The following TANC1 variants were observed in gnomAD, a reference collection of about 807,000 sequenced individuals.
The protein encoded by TANC1 is tetratricopeptide repeat, ankyrin repeat and coiled-coil containing 1.
TANC1 carries 77 observed loss-of-function variants against 149.7 expected under a neutral mutation model. The ratio of observed to expected loss-of-function variants is 0.51; its 90% CI spans 0.43 to 0.62. The LOEUF is 0.62. Among genes scored for constraint, TANC1 ranks in the 20% least tolerant of loss-of-function variants. The probability of loss-of-function intolerance (pLI) is 0.00; values close to 1 mark genes in which losing one functional copy is unlikely to be tolerated. For missense variants in TANC1, 1,985 were observed against 2,321.8 expected (o/e 0.85, Z 2.98); for synonymous variants, 854 against 925.0 (o/e 0.92, Z 1.39).
chr2:159,183,786 G>T (rs145445273), intron 14 of TANC1, among the ~76,000 whole-genome samples: 1 of 152,208 alleles, frequency 6.6e-6, no homozygotes, highest in East Asian at 1.9e-4. Context: ...GGAGAAATTG[G>T]GAATGTAAGG....
chr2:159,152,846 A>G (rs982821298), intron 7 of TANC1, among the ~76,000 whole-genome samples: 1 of 152,160 alleles, frequency 6.6e-6, no homozygotes. Flanking sequence ...ATTGAGATAC[A>G]GTGCCACAAT....
At chr2:159,062,566 G>A (rs547853672) in intron 2 of TANC1, among the ~76,000 whole-genome samples, 2 of 152,310 alleles carry the variant, frequency 1.3e-5, no homozygotes, top group South Asian at 4.1e-4. Flanking sequence ...GGGCTTCAAG[G>A]TGCCATTTCC....
intron 2 of TANC1, among the ~76,000 whole-genome samples, chr2:159,045,818 T>A (rs2040993756): frequency 6.6e-6 from 1 of 152,238 alleles, no homozygotes; most frequent in Non-Finnish European, 1.5e-5. Context: ...AACTATTTTA[T>A]AATTTTCACT....
At chr2:159,130,861 A>T (rs1340734640) in intron 4 of TANC1, among the ~76,000 whole-genome samples, 1 of 151,888 alleles carries the variant, frequency 6.6e-6, no homozygotes, top group Non-Finnish European at 1.5e-5. Flanking sequence ...TTCCTTTCTT[A>T]ATCTGTGTCA....
intron 1 of TANC1, among the ~76,000 whole-genome samples, chr2:158,992,395 A>G (rs1574002847): frequency 1.3e-5 from 2 of 150,920 alleles, no homozygotes. Flanking sequence ...GTTTAAGTGC[A>G]GCAGCCATGA....
intron 3 of TANC1, among the ~76,000 whole-genome samples, chr2:159,079,346 C>CTTTTTTTTTTTTTTTTTTTTTT (rs68143585): frequency 1.8e-5 from 2 of 109,920 alleles, no homozygotes; most frequent in Non-Finnish European, 3.5e-5. Flanking sequence ...GTGTGTGTGT[C>CTTTTTTTTTTTTTTTTTTTTTT]TTTTTTTTTT....
At chr2:159,078,938 G>T (rs1476943787) in intron 3 of TANC1, among the ~76,000 whole-genome samples, 1 of 151,218 alleles carries the variant, frequency 6.6e-6, no homozygotes, top group African/African-American at 2.4e-5. Context: ...CTTCAGGCAT[G>T]ATAGTGTTGA....
chr2:159,118,886 T>C (rs997935627), intron 4 of TANC1, among the ~76,000 whole-genome samples: 2 of 152,174 alleles, frequency 1.3e-5, no homozygotes, highest in African/African-American at 4.8e-5. Flanking sequence ...TTTAAACTCT[T>C]AAAGAAAAAG....
chr2:159,091,543 T>C (rs2045543352), intron 3 of TANC1, among the ~76,000 whole-genome samples: 1 of 152,212 alleles, frequency 6.6e-6, no homozygotes, highest in East Asian at 1.9e-4. Flanking sequence ...AGAGAGGAAA[T>C]GCCAGTCTGT....
At chr2:158,987,429 G>T (rs571789516) in intron 1 of TANC1, among the ~76,000 whole-genome samples, 2 of 152,000 alleles carry the variant, frequency 1.3e-5, no homozygotes, top group East Asian at 3.9e-4. Flanking sequence ...GGGTGGCTGG[G>T]GGGTAGGAGG....
In TANC1 at chr2:159,219,264, C is replaced by T; in HGVS notation, c.3405C>T (p.Gly1135=). The T allele has an allele frequency of 6.2e-7, 1 of 1,614,162 alleles. No homozygotes were observed. Among genetic ancestry groups the T allele is most frequent in the South Asian group, 1.1e-5 (1 of 91,078 alleles). Residue 1135 remains glycine, a synonymous_variant, in exon 21 of 27, where the codon GGC becomes GGT. Coordinates refer to ENST00000263635, the MANE Select transcript of TANC1 (RefSeq NM_033394.3). ...TTGTTAGACTGCTGTTGGAACGCGG[C>T]TGTGATGTGAACCTAAGTGACAAGC... ...WQIVRLLLER[G]CDVNLSDKQG...
chr2:159,068,066 A>G (rs2149705967), intron 3 of TANC1, among the ~76,000 whole-genome samples: 1 of 152,368 alleles, frequency 6.6e-6, no homozygotes, highest in South Asian at 2.1e-4. Flanking sequence ...CCCATAAAAT[A>G]TCTGCATGGT....
chr2:159,134,008 A>G (rs147934610), intron 4 of TANC1, among the ~76,000 whole-genome samples: 2 of 152,308 alleles, frequency 1.3e-5, no homozygotes, highest in East Asian at 3.9e-4. Flanking sequence ...GCCATAAACC[A>G]TCTTTTGAAC....
rs113818435 is a variant in TANC1 at position 159,227,939 on chromosome 2, T to C, written c.4024T>C (p.Leu1342=). The change falls in exon 25 of 27, where the codon TTG becomes CTG. Residue 1342 remains leucine, a synonymous_variant. Transcript: ENST00000263635. ...ATTAAGGGTTTCCCTCTATCTCAAT[T>C]TGTCGCGATGCCGAAGAAAAACAAA... ...NELRVSLYLN[L]SRCRRKTNDF... is the part of the protein sequence containing the mutation. The C allele has an allele frequency of 1.2e-6, 2 of 1,613,100 alleles. No individual in the cohort carries two copies. The highest frequency in any genetic ancestry group is 2.2e-5 in the East Asian group (1 of 44,868).
At chr2:159,046,589 C>CTTTTTTTTTTTTTTTTT (rs57208685) in intron 2 of TANC1, among the ~76,000 whole-genome samples, 3 of 84,396 alleles carry the variant, frequency 3.6e-5, no homozygotes, top group Non-Finnish European at 6.3e-5. Flanking sequence ...CTTTTCTTTA[C>CTTTTTTTTTTTTTTTTT]TTTTTTTTTT....
At chr2:159,223,251 G>T (rs4664273) in intron 22 of TANC1, among the ~76,000 whole-genome samples, 54,027 of 152,076 alleles carry the variant, frequency 0.36, 12,652 homozygotes, top group Non-Finnish European at 0.55. Flanking sequence ...TTGCAGACCT[G>T]GCAGTGGAAG....
intron 3 of TANC1, among the ~76,000 whole-genome samples, chr2:159,087,559 G>A (rs2045055732): frequency 6.8e-6 from 1 of 147,162 alleles, no homozygotes; most frequent in African/African-American, 2.5e-5. Context: ...CCAGGCTGCT[G>A]TACAGTGGCA....
intron 3 of TANC1, among the ~76,000 whole-genome samples, chr2:159,077,292 CTG>C (rs1357659101): frequency 6.6e-6 from 1 of 152,334 alleles, no homozygotes; most frequent in East Asian, 1.9e-4. Flanking sequence ...ATCCTTGAGA[CTG>C]TCCTAATTCC....
chr2:159,197,057 TCTC>T (rs946016297), intron 18 of TANC1, among the ~76,000 whole-genome samples: 1 of 152,186 alleles, frequency 6.6e-6, no homozygotes, highest in South Asian at 2.1e-4. Flanking sequence ...TCCTCATGTC[TCTC>T]CTCCTTCCCT....
Sources: gnomAD v4.1 joint callset for allele counts (sites outside exome capture counted in the v4.1 genomes callset) on GRCh38, gnomAD v4.1.1 for gene constraint, MANE v1.5 for transcripts, NCBI Gene and HGNC (gene_info 2026-07-23, HGNC 2026-07-21) for gene names.